The following VRK3 variants were observed in gnomAD, a reference collection of about 807,000 sequenced individuals.
VRK3 encodes VRK serine/threonine kinase 3.
Under a neutral mutation model 60.4 loss-of-function variants are expected in VRK3, and 50 were observed. That is an observed-to-expected ratio of 0.83 (90% CI 0.66 to 1.05). VRK3 has a LOEUF of 1.05. Among genes scored for constraint, VRK3 ranks in the 50% least tolerant of loss-of-function variants. The pLI is 0.00. For synonymous variants in VRK3, 246 were observed against 227.8 expected, an observed-to-expected ratio of 1.08 and a Z score of -0.72; for missense variants, 549 against 585.3, an observed-to-expected ratio of 0.94 and a Z score of 0.64.
intron 7 of VRK3, chr19:49,996,933 T>C (rs2076715718): frequency 6.6e-6 from 1 of 152,184 alleles, no homozygotes; most frequent in Non-Finnish European, 1.5e-5. Context: ...ATTTAATTGC[T>C]AGTACTGGCT....
intron 1 of VRK3, among the ~76,000 whole-genome samples, chr19:50,021,312 T>C (rs1421984144): frequency 6.6e-6 from 1 of 152,150 alleles, no homozygotes; most frequent in African/African-American, 2.4e-5. Flanking sequence ...CCCCTTTGGA[T>C]CTCGGCAGAG....
intron 10 of VRK3, among the ~76,000 whole-genome samples, chr19:49,990,025 A>ATT (rs200198881): frequency 6.6e-6 from 1 of 151,406 alleles, no homozygotes; most frequent in East Asian, 1.9e-4. Flanking sequence ...ATCATTCCAA[A>ATT]ATTTTTTTTT....
intron 11 of VRK3, 98 bp downstream of exon 11, chr19:49,989,541 C>G: frequency 6.8e-7 from 1 of 1,461,008 alleles, no homozygotes; most frequent in Non-Finnish European, 9.1e-7. Context: ...AGTGCCTCTC[C>G]TGTCTGGCCA....
At chr19:50,012,284 TC>T (rs1393797527) in intron 3 of VRK3, among the ~76,000 whole-genome samples, 2 of 152,140 alleles carry the variant, frequency 1.3e-5, no homozygotes, top group African/African-American at 2.4e-5. Flanking sequence ...TTCTTCTTCA[TC>T]CCTAGCTCAG....
chr19:49,980,994 G>A lies in VRK3; in HGVS notation c.1237C>T (p.Pro413Ser), dbSNP rs747070456. Reference protein sequence around the residue: ...QKQKFVDKPGPFVGPCGHWIR... With the variant: ...QKQKFVDKPGSFVGPCGHWIR... ...CAGTGACCGCAGGGTCCCACGAAGG[G>A]CCCCGGCTTATCAACAAACCTGAAG... Residue 413 changes from proline to serine, a missense_variant, in exon 13 of 15, where the codon CCC (proline) becomes TCC (serine). Transcript: ENST00000316763. 1 of 1,612,488 alleles carries A rather than the reference G, an allele frequency of 6.2e-7. No homozygotes were observed. The highest frequency in any genetic ancestry group is 1.1e-5 in the South Asian group (1 of 90,594).
intron 3 of VRK3, among the ~76,000 whole-genome samples, chr19:50,014,435 T>C (rs779818280): frequency 3.9e-5 from 6 of 152,032 alleles, no homozygotes; most frequent in Admixed American, 2.6e-4. Context: ...GGCAGGCGCC[T>C]GTAATCCCAG....
Position 49,989,744 on chromosome 19 carries a change from A to G in VRK3, c.991T>C (p.Phe331Leu). The change falls in exon 11 of 15, where the codon TTC becomes CTC. Residue 331 changes from phenylalanine (F) to leucine (L), a missense_variant. By Grantham distance (22) the Phe-to-Leu change is conservative. Coordinates refer to ENST00000316763, the MANE Select transcript of VRK3 (RefSeq NM_016440.4). Reference sequence around the variant, plus strand: ...TGTTTGCCACTTGGGCAATAGCGGAAGGCGAAGCCATAGCCTGCCAAAGTC... The same window carrying G: ...TGTTTGCCACTTGGGCAATAGCGGAGGGCGAAGCCATAGCCTGCCAAAGTC... ...QVTLAGYGFA[F>L]RYCPSGKHVA... 6.2e-7 allele frequency: 1 copy of G among 1,612,550 alleles called. No individual in the cohort carries two copies.
chr19:50,003,173 C>A (rs1247368687), intron 5 of VRK3, among the ~76,000 whole-genome samples: 2 of 152,188 alleles, frequency 1.3e-5, no homozygotes, highest in African/African-American at 4.8e-5. Flanking sequence ...CCAGGGTGCC[C>A]CATGCCTTCC....
intron 10 of VRK3, 92 bp from the exon 11 acceptor site, chr19:49,989,863 T>C (rs283517): frequency 0.44 from 614,383 of 1,391,628 alleles, 144,522 homozygotes; most frequent in East Asian, 0.79. Context: ...ACAAACATTC[T>C]ACCAAAGATG....
chr19:50,019,366 C>CCTTTTT (rs1555854630), intron 2 of VRK3: 3 of 148,716 alleles, frequency 2.0e-5, no homozygotes, highest in African/African-American at 4.9e-5. Context: ...CCATGCCTGG[C>CCTTTTT]TAATTAAAAA....
At chr19:49,997,702 C>T (rs2076729769) in intron 6 of VRK3, 132 bp from the exon 7 acceptor site, 1 of 888,140 alleles carries the variant, frequency 1.1e-6, no homozygotes, top group South Asian at 1.7e-5. Context: ...GAGCCAAATT[C>T]CTCAGGTACT....
At chr19:49,981,545 AAAAAC>A (rs756111202) in intron 12 of VRK3, 36 of 436,054 alleles carry the variant, frequency 8.3e-5, no homozygotes, top group South Asian at 1.8e-4. Flanking sequence ...ACTCCGTCTC[AAAAAC>A]AAAACAAAAC....
At chr19:49,994,677 T>C in intron 9 of VRK3, 137 bp downstream of exon 9, 5 of 772,792 alleles carry the variant, frequency 6.5e-6, no homozygotes, top group South Asian at 1.7e-5. Context: ...CCGCCTGCCA[T>C]GGCAGTCAGT....
intron 5 of VRK3, among the ~76,000 whole-genome samples, chr19:50,006,536 C>T (rs1036273763): frequency 7.3e-5 from 11 of 151,664 alleles, no homozygotes; most frequent in African/African-American, 2.2e-4. Context: ...CCACCACACC[C>T]GGCTAATTTT....
At chr19:49,977,600 C>T (rs561169429) in intron 14 of VRK3, among the ~76,000 whole-genome samples, 1 of 152,076 alleles carries the variant, frequency 6.6e-6, no homozygotes, top group Non-Finnish European at 1.5e-5. Flanking sequence ...CGCGACCCTG[C>T]CCTGGAGGAG....
intron 5 of VRK3, among the ~76,000 whole-genome samples, chr19:50,003,818 C>T (rs2076849713): frequency 6.6e-6 from 1 of 152,272 alleles, no homozygotes; most frequent in Non-Finnish European, 1.5e-5. Context: ...GCAAGCTCCG[C>T]ATCAGCAGGG....
intron 3 of VRK3, among the ~76,000 whole-genome samples, chr19:50,012,437 T>C (rs1231243457): frequency 6.6e-6 from 1 of 152,220 alleles, no homozygotes; most frequent in Non-Finnish European, 1.5e-5. Context: ...GTTGTCTTAC[T>C]GAGAGACCAG....
chr19:50,005,993 T>G (rs1368043281), intron 5 of VRK3, among the ~76,000 whole-genome samples: 1 of 149,126 alleles, frequency 6.7e-6, no homozygotes, highest in Admixed American at 6.6e-5. Flanking sequence ...AGTTGCACCC[T>G]TTAAAAGAAT....
At chr19:50,005,369 C>T (rs941068894) in intron 5 of VRK3, among the ~76,000 whole-genome samples, 1 of 149,354 alleles carries the variant, frequency 6.7e-6, no homozygotes, top group Admixed American at 6.6e-5. Flanking sequence ...CCAGCAGGCA[C>T]TTCCAATTCA....
Sources: allele counts gnomAD v4.1 joint callset (sites outside exome capture counted in the v4.1 genomes callset), GRCh38; gene constraint gnomAD v4.1.1; transcripts MANE v1.5; gene names NCBI Gene and HGNC (gene_info 2026-07-23, HGNC 2026-07-21).